Variants in KCNQ5 observed in about 807,000 individuals in gnomAD.
The protein encoded by KCNQ5 is potassium voltage-gated channel subfamily Q member 5.
In KCNQ5, 30 loss-of-function variants were observed where a neutral mutation model predicts 98.2. That is an observed-to-expected ratio of 0.31 (90% confidence interval 0.23 to 0.41). KCNQ5 has a LOEUF of 0.41. KCNQ5 is among the 10% of genes least tolerant of loss of function. The pLI, the probability that KCNQ5 is intolerant of heterozygous loss-of-function variation, is 1.00. For synonymous variants in KCNQ5, 458 were observed against 449.4 expected (o/e 1.02, Z -0.24); for missense variants, 835 against 1,182.5 (o/e 0.71, Z 4.31).
At chr6:72,766,495 A>G (rs1163846486) in intron 1 of KCNQ5, among the ~76,000 whole-genome samples, 8 of 152,062 alleles carry the variant, frequency 5.3e-5, no homozygotes, top group Non-Finnish European at 8.8e-5. Context: ...AGGAAGCAGA[A>G]GAACCTATTT....
Position 73,190,598 on chromosome 6 carries a change from C to T in KCNQ5, c.1603C>T (p.Arg535Trp), listed in dbSNP as rs763071667. ...IRIMKFHVAKRKFKETLRPYD... is the reference protein window; with the variant it reads ...IRIMKFHVAKWKFKETLRPYD... Reference sequence around the variant, plus strand: ...AATTATGAAATTTCATGTTGCAAAACGGAAGTTTAAGGAAACATTACGTCC... The same window carrying T: ...AATTATGAAATTTCATGTTGCAAAATGGAAGTTTAAGGAAACATTACGTCC... The change falls in exon 12 of 14, where the codon CGG (arginine) becomes TGG (tryptophan). Residue 535 changes from arginine to tryptophan, a missense_variant. By Grantham distance (101) the Arg-to-Trp change is moderately radical (BLOSUM62 -3). Transcript: ENST00000370398. The T allele has an allele frequency of 1.8e-5, 28 of 1,521,148 alleles. No individual in the cohort carries two copies. The highest frequency in any genetic ancestry group is 2.3e-5 in the Non-Finnish European group (26 of 1,116,796). The allele number at this position is 1,521,148 out of a possible 1,614,324, so 94.2% of individuals were successfully genotyped here.
intron 1 of KCNQ5, among the ~76,000 whole-genome samples, chr6:72,966,039 T>C (rs1477799274): frequency 1.3e-5 from 2 of 152,126 alleles, no homozygotes; most frequent in African/African-American, 2.4e-5. Context: ...CCAGTCGAGT[T>C]AGAGCACTTC....
At chr6:72,717,657 A>G (rs1048006238) in intron 1 of KCNQ5, among the ~76,000 whole-genome samples, 2 of 152,178 alleles carry the variant, frequency 1.3e-5, no homozygotes, top group Admixed American at 6.5e-5. Flanking sequence ...CTTAGCATTA[A>G]CCACGTATTT....
chr6:72,752,145 T>TCAGGTGCTG (rs1205820330), intron 1 of KCNQ5, among the ~76,000 whole-genome samples: 2 of 152,052 alleles, frequency 1.3e-5, no homozygotes, highest in Non-Finnish European at 2.9e-5. Context: ...AGACCCCAAA[T>TCAGGTGCTG]CAGGTGCTGG....
intron 1 of KCNQ5, among the ~76,000 whole-genome samples, chr6:72,832,285 C>CCT (rs2150125102): frequency 6.6e-6 from 1 of 152,184 alleles, no homozygotes; most frequent in East Asian, 1.9e-4. Context: ...TTAATGAGAG[C>CCT]AGAATCCTTT....
chr6:72,998,695 C>T (rs1769421726), intron 1 of KCNQ5, among the ~76,000 whole-genome samples: 1 of 151,810 alleles, frequency 6.6e-6, no homozygotes, highest in South Asian at 2.1e-4. Context: ...CAAGATCACG[C>T]CACTGCACTC....
intron 1 of KCNQ5, among the ~76,000 whole-genome samples, chr6:72,943,106 A>C (rs1214441200): frequency 6.6e-6 from 1 of 152,214 alleles, no homozygotes; most frequent in Non-Finnish European, 1.5e-5. Context: ...TGTAGCCTGC[A>C]CTGTTAGTAA....
At chr6:73,159,246 A>T (rs952364397) in intron 10 of KCNQ5, among the ~76,000 whole-genome samples, 2 of 152,246 alleles carry the variant, frequency 1.3e-5, no homozygotes, top group Non-Finnish European at 2.9e-5. Context: ...TAACACAGGA[A>T]CAAAAAACCA....
chr6:73,054,470 C>T (rs1772376866), intron 3 of KCNQ5, among the ~76,000 whole-genome samples: 1 of 152,152 alleles, frequency 6.6e-6, no homozygotes, highest in South Asian at 2.1e-4. Context: ...ATGAATCCAG[C>T]AGCACATGAA....
chr6:72,909,604 A>G (rs1779842111), intron 1 of KCNQ5, among the ~76,000 whole-genome samples: 1 of 152,206 alleles, frequency 6.6e-6, no homozygotes, highest in Non-Finnish European at 1.5e-5. Context: ...AGAGCTAAGC[A>G]GTTCAAGAGG....
Position 73,003,684 on chromosome 6 carries a change from C to A in KCNQ5, c.399-224C>A, listed in dbSNP as rs540452981. Among the ~76,000 whole-genome samples the A allele has an allele frequency of 1.6e-3, 244 of 152,296 alleles. 1 individual carries two copies. The highest frequency in any genetic ancestry group is 3.5e-3 in the Admixed American group (53 of 15,280). The stretch of plus-strand genomic sequence containing the variant: ...GCAGCATGCCACACACACAAACCCA[C>A]AAACACAACCTTTTTTTCATCAATA... On this transcript the variant is annotated intron_variant, in intron 1 of 13. Coordinates refer to ENST00000370398, the MANE Select transcript of KCNQ5 (RefSeq NM_019842.4).
intron 9 of KCNQ5, among the ~76,000 whole-genome samples, chr6:73,127,631 G>A (rs528342420): frequency 3.3e-5 from 5 of 152,242 alleles, no homozygotes; most frequent in Admixed American, 2.0e-4. Flanking sequence ...CTACATTCCC[G>A]GCTTTGGAAT....
At chr6:72,787,114 C>G (rs1773795318) in intron 1 of KCNQ5, among the ~76,000 whole-genome samples, 1 of 151,918 alleles carries the variant, frequency 6.6e-6, no homozygotes, top group Non-Finnish European at 1.5e-5. Flanking sequence ...CTACCCTGAC[C>G]TGTGAGACAA....
chr6:73,038,882 T>G (rs1213539518), intron 2 of KCNQ5, among the ~76,000 whole-genome samples: 2 of 152,154 alleles, frequency 1.3e-5, no homozygotes, highest in African/African-American at 4.8e-5. Context: ...AGAAAGTTTT[T>G]TCTCCTCTAT....
At chr6:72,686,237 G>C (rs1767944063) in intron 1 of KCNQ5, among the ~76,000 whole-genome samples, 1 of 152,130 alleles carries the variant, frequency 6.6e-6, no homozygotes. Flanking sequence ...ATTTGCTATT[G>C]CTTCACATAG....
At chr6:73,084,465 T>C (rs1440668056) in intron 5 of KCNQ5, among the ~76,000 whole-genome samples, 2 of 152,338 alleles carry the variant, frequency 1.3e-5, no homozygotes, top group East Asian at 3.9e-4. Context: ...TAAGTGATAA[T>C]AGCAACCTGC....
chr6:72,768,599 G>T (rs1016866435), intron 1 of KCNQ5, among the ~76,000 whole-genome samples: 1 of 151,932 alleles, frequency 6.6e-6, no homozygotes, highest in Non-Finnish European at 1.5e-5. Flanking sequence ...CATGGAAAAC[G>T]GATGAAACTT....
chr6:72,652,758 T>C (rs952064546), intron 1 of KCNQ5, among the ~76,000 whole-genome samples: 2 of 152,006 alleles, frequency 1.3e-5, no homozygotes, highest in Non-Finnish European at 2.9e-5. Context: ...AGAGGCACTG[T>C]GCTAGTGAGG....
chr6:73,077,885 A>G lies in KCNQ5; in HGVS notation c.916A>G (p.Thr306Ala). 6.3e-7 allele frequency: 1 copy of G among 1,590,662 alleles called. No individual in the cohort carries two copies. Among genetic ancestry groups the G allele is most frequent in the Non-Finnish European group, 8.5e-7 (1 of 1,171,950 alleles). ...STYADALWWG[T>A]ITLTTIGYGD... is the part of the protein sequence containing the mutation. ...ATATGCAGATGCTCTCTGGTGGGGC[A>G]CAGTAAGTATAAAAATACATTTTTT... The change falls in exon 5 of 14, where the codon ACA (threonine) becomes GCA (alanine). Residue 306 changes from threonine to alanine, a missense_variant and splice_region_variant. This residue lies in a region of KCNQ5 where 30 missense variants were observed against 132.9 expected (regional missense o/e 0.23). Transcript: ENST00000370398.
Sources: gnomAD v4.1 joint callset for allele counts (sites outside exome capture counted in the v4.1 genomes callset) on GRCh38, gnomAD v4.1.1 for gene constraint, gnomAD v4.1.1 regional missense constraint, MANE v1.5 for transcripts, NCBI Gene and HGNC (gene_info 2026-07-23, HGNC 2026-07-21) for gene names.